CNTNAP4: variants seen among roughly 807,000 people sequenced by gnomAD.
The protein encoded by CNTNAP4 is contactin associated protein family member 4, also known as contactin-associated protein-like 4.
A neutral mutation model predicts 148.4 loss-of-function variants in CNTNAP4; 98 were observed. The ratio of observed to expected loss-of-function variants is 0.66; its 90% CI spans 0.56 to 0.78. CNTNAP4 has a LOEUF of 0.78. Among genes scored for constraint, CNTNAP4 ranks in the 30% least tolerant of loss-of-function variants. The probability of loss-of-function intolerance (pLI) is 0.00; values close to 1 mark genes in which losing one functional copy is unlikely to be tolerated. For missense variants in CNTNAP4, 1,935 were observed against 1,565.6 expected, an observed-to-expected ratio of 1.24 and a Z score of -3.98; for synonymous variants, 730 against 565.1, an observed-to-expected ratio of 1.29 and a Z score of -4.14.
intron 3 of CNTNAP4, among the ~76,000 whole-genome samples, chr16:76,396,399 A>C (rs1468906701): frequency 6.6e-6 from 1 of 152,146 alleles, no homozygotes; most frequent in Non-Finnish European, 1.5e-5. Flanking sequence ...TGAGTATCCT[A>C]ATTTTTATCA....
rs1176365454 is a variant in CNTNAP4 at position 76,538,128 on chromosome 16, A to G, written c.3008A>G (p.Tyr1003Cys). 30 of 1,455,430 alleles carry G rather than the reference A, an allele frequency of 2.1e-5. 1 individual carries two copies. The highest frequency in any genetic ancestry group is 2.7e-5 in the Non-Finnish European group (30 of 1,096,278). The allele number at this position is 1,455,430 out of a possible 1,614,324, so 90.2% of individuals were successfully genotyped here. Reference protein sequence around the residue: ...GPFCSNEISAYFGSGSSVIYN... With the variant: ...GPFCSNEISACFGSGSSVIYN... The stretch of plus-strand genomic sequence containing the variant: ...TATATTATTTCAGAGATTTCTGCAT[A>G]TTTTGGATCTGGCTCATCCGTGATA... Residue 1003 changes from tyrosine (Y) to cysteine (C), a missense_variant, in exon 19 of 24, where the codon TAT becomes TGT. By Grantham distance (194) the Tyr-to-Cys change is radical. Coordinates refer to ENST00000611870, the MANE Select transcript of CNTNAP4 (RefSeq NM_033401.5).
intron 7 of CNTNAP4, among the ~76,000 whole-genome samples, chr16:76,451,183 C>T (rs34220937): frequency 0.33 from 49,657 of 152,084 alleles, 9,648 homozygotes; most frequent in Non-Finnish European, 0.42. Context: ...GTGACCACCC[C>T]TCATCGCACA....
At position 76,558,982 on chromosome 16, in the gene CNTNAP4, C is replaced by G. The variant is rs956201894; in HGVS notation, c.*299C>G. On this transcript the variant is annotated 3_prime_UTR_variant, in exon 24 of 24. Transcript: ENST00000611870. ...CAGTTTTTACATGTGAAAACTGTAG[C>G]CTTGGTCTCTTAACCATGTAATACA... 5.0e-6 allele frequency: 1 copy of G among 200,902 alleles called. No individual in the cohort carries two copies. The highest frequency in any genetic ancestry group is 1.1e-4 in the East Asian group (1 of 9,004). The allele number at this position is 200,902 out of a possible 1,614,324, so 12.4% of individuals were successfully genotyped here. A position where few individuals can be genotyped will look rare whatever the true frequency, so the allele number is the denominator to read the frequency against.
At chr16:76,364,284 C>G (rs1159562037) in intron 3 of CNTNAP4, among the ~76,000 whole-genome samples, 1 of 140,856 alleles carries the variant, frequency 7.1e-6, no homozygotes, top group Non-Finnish European at 1.5e-5. Context: ...TATATGAACT[C>G]TTATGAGCTG....
At chr16:76,490,161 T>G (rs1184281761) in intron 13 of CNTNAP4, among the ~76,000 whole-genome samples, 1 of 152,260 alleles carries the variant, frequency 6.6e-6, no homozygotes, top group African/African-American at 2.4e-5. Flanking sequence ...AAAGGCCTCC[T>G]TCTGATACTC....
chr16:76,529,430 C>G (rs1354978874), intron 17 of CNTNAP4, among the ~76,000 whole-genome samples: 1 of 152,152 alleles, frequency 6.6e-6, no homozygotes, highest in Non-Finnish European at 1.5e-5. Flanking sequence ...CAAACATTGT[C>G]CAGCCACAGA....
At chr16:76,359,313 A>G (rs972030381) in intron 3 of CNTNAP4, among the ~76,000 whole-genome samples, 1 of 152,222 alleles carries the variant, frequency 6.6e-6, no homozygotes, top group East Asian at 1.9e-4. Flanking sequence ...GAGTTAGGAA[A>G]CACATAAGGC....
At chr16:76,330,959 C>G (rs1007125340) in intron 2 of CNTNAP4, among the ~76,000 whole-genome samples, 3 of 152,114 alleles carry the variant, frequency 2.0e-5, no homozygotes, top group Admixed American at 1.3e-4. Flanking sequence ...AAAAATTGGA[C>G]TTTATTTGAT....
chr16:76,448,702 G>A (rs1198111196), intron 5 of CNTNAP4, 65 bp from the exon 6 acceptor site: 3 of 1,244,946 alleles, frequency 2.4e-6, no homozygotes, highest in Non-Finnish European at 3.3e-6. Flanking sequence ...GTCCACAGAA[G>A]GGAACCTTTT....
intron 4 of CNTNAP4, among the ~76,000 whole-genome samples, chr16:76,437,798 A>T (rs1020805246): frequency 6.6e-6 from 1 of 152,180 alleles, no homozygotes; most frequent in Non-Finnish European, 1.5e-5. Flanking sequence ...ATAGAATTAG[A>T]AAATGTCTAT....
intron 23 of CNTNAP4, 173 bp from the exon 24 acceptor site, chr16:76,558,317 A>T: frequency 1.9e-6 from 1 of 522,294 alleles, no homozygotes; most frequent in Non-Finnish European, 3.4e-6. Flanking sequence ...AATAAACTCA[A>T]CATACAATAA....
At chr16:76,415,144 A>G (rs1506815) in intron 3 of CNTNAP4, among the ~76,000 whole-genome samples, 55,859 of 150,950 alleles carry the variant, frequency 0.37, 10,596 homozygotes, top group Middle Eastern at 0.49. Context: ...TTATAACACA[A>G]ATGTATTTAT....
intron 15 of CNTNAP4, among the ~76,000 whole-genome samples, chr16:76,517,524 C>T (rs576547517): frequency 1.3e-5 from 2 of 152,214 alleles, no homozygotes; most frequent in South Asian, 2.1e-4. Flanking sequence ...TTCCTTGCTT[C>T]GGCATTTCTA....
intron 3 of CNTNAP4, among the ~76,000 whole-genome samples, chr16:76,413,563 T>TAA (rs71134757): frequency 1.5e-3 from 219 of 146,170 alleles, no homozygotes; most frequent in Middle Eastern, 7.0e-3. Context: ...TAATATCCAG[T>TAA]AAAAAAAAAA....
At chr16:76,438,301 G>A (rs1034987617) in intron 4 of CNTNAP4, among the ~76,000 whole-genome samples, 2 of 152,090 alleles carry the variant, frequency 1.3e-5, no homozygotes, top group African/African-American at 2.4e-5. Context: ...GAGAAAGCAC[G>A]AGAAAGAGGT....
intron 21 of CNTNAP4, 75 bp from the exon 22 acceptor site, chr16:76,553,208 G>A: frequency 1.2e-6 from 1 of 842,648 alleles, no homozygotes; most frequent in South Asian, 1.8e-5. Flanking sequence ...CATTAGCTCA[G>A]AATCCTCAAT....
At chr16:76,497,210 T>C (rs984582898) in intron 14 of CNTNAP4, among the ~76,000 whole-genome samples, 2 of 152,078 alleles carry the variant, frequency 1.3e-5, no homozygotes, top group African/African-American at 4.8e-5. Flanking sequence ...ATAAAGTTTA[T>C]AACATATGGA....
At chr16:76,466,202 C>T (rs2081171870) in intron 9 of CNTNAP4, among the ~76,000 whole-genome samples, 1 of 152,098 alleles carries the variant, frequency 6.6e-6, no homozygotes, top group South Asian at 2.1e-4. Context: ...CTGTGCCTGG[C>T]TTATTTCACT....
intron 4 of CNTNAP4, among the ~76,000 whole-genome samples, chr16:76,428,612 A>T (rs539685850): frequency 4.6e-5 from 7 of 152,112 alleles, no homozygotes; most frequent in Non-Finnish European, 1.0e-4. Flanking sequence ...ATCACATTGC[A>T]TGGTTTGCGT....
Sources: allele counts gnomAD v4.1 joint callset (sites outside exome capture counted in the v4.1 genomes callset), GRCh38; gene constraint gnomAD v4.1.1; transcripts MANE v1.5; gene names NCBI Gene and HGNC (gene_info 2026-07-23, HGNC 2026-07-21).